Variants in PDE1C observed in about 807,000 individuals in gnomAD.
PDE1C encodes the protein phosphodiesterase 1C.
PDE1C carries 62 observed loss-of-function variants against 93.1 expected under a neutral mutation model. The ratio of observed to expected loss-of-function variants is 0.67; its 90% CI spans 0.54 to 0.82. The LOEUF (loss-of-function observed/expected upper bound fraction) is 0.82. Among genes scored for constraint, PDE1C ranks in the 40% least tolerant of loss-of-function variants. The probability of loss-of-function intolerance (pLI) is 0.00; values close to 1 mark genes in which losing one functional copy is unlikely to be tolerated. For synonymous variants in PDE1C, 325 were observed against 310.1 expected (o/e 1.05, Z -0.50); for missense variants, 742 against 884.6 (o/e 0.84, Z 2.04).
chr7:31,638,241 G>A, the PDE1C span, among the ~76,000 whole-genome samples: 273 of 152,288 alleles, frequency 1.8e-3, 2 homozygotes, highest in African/African-American at 6.1e-3. Flanking sequence ...TTTTAATATG[G>A]ATTGAACTAA....
chr7:32,396,527 G>A (rs1045014964), intron 1 of PDE1C, among the ~76,000 whole-genome samples: 2 of 150,942 alleles, frequency 1.3e-5, no homozygotes, highest in Admixed American at 6.6e-5. Context: ...AAGTATGGGG[G>A]GGGGGAGTGT....
At chr7:32,372,447 T>C (rs1355528846) in intron 1 of PDE1C, among the ~76,000 whole-genome samples, 1 of 152,178 alleles carries the variant, frequency 6.6e-6, no homozygotes, top group East Asian at 1.9e-4. Context: ...TACATCCAAA[T>C]GGAAGTTCGA....
chr7:32,202,012 CAGA>C (rs1805048965), intron 2 of PDE1C, among the ~76,000 whole-genome samples: 1 of 152,158 alleles, frequency 6.6e-6, no homozygotes, highest in South Asian at 2.1e-4. Context: ...AAATCAGGGT[CAGA>C]AGAACACCAC....
intron 3 of PDE1C, among the ~76,000 whole-genome samples, chr7:32,082,539 G>A (rs1454456318): frequency 6.6e-6 from 1 of 152,240 alleles, no homozygotes; most frequent in Non-Finnish European, 1.5e-5. Context: ...AGAACGGGCA[G>A]ACTGCCTCCT....
chr7:32,080,442 A>G (rs189183166), intron 3 of PDE1C, among the ~76,000 whole-genome samples: 2 of 152,332 alleles, frequency 1.3e-5, no homozygotes, highest in Non-Finnish European at 2.9e-5. Context: ...CAAACCTCAG[A>G]CATGGACACA....
intron 2 of PDE1C, among the ~76,000 whole-genome samples, chr7:31,929,795 G>A (rs1015591344): frequency 6.6e-6 from 1 of 152,152 alleles, no homozygotes; most frequent in Non-Finnish European, 1.5e-5. Context: ...AATGTTTAGA[G>A]GAAAATTTAT....
At chr7:32,344,467 C>T (rs1326889214) in intron 1 of PDE1C, among the ~76,000 whole-genome samples, 1 of 152,178 alleles carries the variant, frequency 6.6e-6, no homozygotes, top group African/African-American at 2.4e-5. Context: ...TCTCCTGCCT[C>T]GCTTTTCCTT....
rs34277412 is a variant in PDE1C, at chr7:32,139,300, C to CTTT, written c.308+30482_308+30484dup. On this transcript the variant is annotated intron_variant, in intron 3 of 18. Transcript: ENST00000396193. ...ACAAGCAGGCAACACCAAAATCAAC[C>CTTT]TTTTTTTTTTTTTTTTTTTTTTTTT... is the stretch of plus-strand genomic sequence containing the variant. 3.7e-3 allele frequency among the ~76,000 whole-genome samples: 304 copies of CTTT among 82,956 alleles called. 5 individuals carry two copies. The highest frequency in any genetic ancestry group is 4.3e-3 in the African/African-American group (88 of 20,682). The allele number at this position is 82,956 out of a possible 152,430, so 54.4% of individuals were successfully genotyped here.
chr7:31,837,593 T>C (rs1365734004), intron 10 of PDE1C, among the ~76,000 whole-genome samples: 2 of 152,180 alleles, frequency 1.3e-5, no homozygotes, highest in Non-Finnish European at 2.9e-5. Flanking sequence ...TGCTTCTGCA[T>C]TGGGGATCTC....
At chr7:32,337,341 C>A (rs10238006) in intron 1 of PDE1C, among the ~76,000 whole-genome samples, 46,171 of 151,982 alleles carry the variant, frequency 0.3, 8,048 homozygotes, top group East Asian at 0.51. Flanking sequence ...TTGCTGTAGA[C>A]CAACAATTAC....
At chr7:32,313,087 G>A (rs1293114764) in intron 1 of PDE1C, among the ~76,000 whole-genome samples, 1 of 151,802 alleles carries the variant, frequency 6.6e-6, no homozygotes, top group Non-Finnish European at 1.5e-5. Context: ...TCAAAAAGTG[G>A]GCGAAGGATA....
intron 2 of PDE1C, among the ~76,000 whole-genome samples, chr7:32,190,370 C>T (rs945224016): frequency 1.6e-4 from 25 of 152,202 alleles, no homozygotes; most frequent in African/African-American, 6.0e-4. Context: ...ATGGCAAGAA[C>T]TGTAGCACCT....
rs1812985247 is a variant in PDE1C, at chr7:32,305,791, A to G, written c.311-96252T>C. On this transcript the variant is annotated intron_variant, in intron 1 of 1. Transcript: ENST00000672256. ...ATGGCACCTCTGTGAGAGTTAGGAA[A>G]GGGTACCCTTCTCCAAGGTGGAAGC... is the stretch of plus-strand genomic sequence containing the variant. Among the ~76,000 whole-genome samples the G allele has an allele frequency of 2.0e-5, 3 of 152,254 alleles. No individual in the cohort carries two copies. In the South Asian group the frequency reaches 6.2e-4, roughly 31 times the overall value.
chr7:31,658,493 C>T, the PDE1C span: 1 of 1,060,966 alleles, frequency 9.4e-7, no homozygotes, highest in Non-Finnish European at 1.2e-6. Context: ...AGTGGTGCCC[C>T]TTTGAGAAGA....
At chr7:32,156,480 C>T (rs1260210682) in intron 3 of PDE1C, among the ~76,000 whole-genome samples, 1 of 152,182 alleles carries the variant, frequency 6.6e-6, no homozygotes, top group Non-Finnish European at 1.5e-5. Context: ...TATTCTAAGT[C>T]GAAGTTCATT....
At chr7:31,759,240 G>A (rs763137838) in intron 17 of PDE1C, among the ~76,000 whole-genome samples, 3 of 152,166 alleles carry the variant, frequency 2.0e-5, no homozygotes, top group Non-Finnish European at 2.9e-5. Flanking sequence ...CAGGCATGAG[G>A]GCACCATCTT....
intron 1 of PDE1C, among the ~76,000 whole-genome samples, chr7:32,348,916 G>T (rs912694660): frequency 6.6e-6 from 1 of 152,162 alleles, no homozygotes; most frequent in Admixed American, 6.5e-5. Context: ...ACTGGTTACT[G>T]CTTAAACTTA....
At chr7:31,696,772 T>C in the PDE1C span, among the ~76,000 whole-genome samples, 12 of 152,206 alleles carry the variant, frequency 7.9e-5, no homozygotes, top group Non-Finnish European at 1.3e-4. Flanking sequence ...TGCAAAACCT[T>C]TTGTATAGAC....
At chr7:31,966,669 T>C (rs1159872934) in intron 2 of PDE1C, among the ~76,000 whole-genome samples, 4 of 152,240 alleles carry the variant, frequency 2.6e-5, no homozygotes, top group African/African-American at 7.2e-5. Flanking sequence ...CTTTTCAGCA[T>C]CACAACACAC....
Sources: allele counts gnomAD v4.1 joint callset (sites outside exome capture counted in the v4.1 genomes callset), GRCh38; gene constraint gnomAD v4.1.1; transcripts MANE v1.5; gene names NCBI Gene and HGNC (gene_info 2026-07-23, HGNC 2026-07-21).